The following CACNA1H variants were observed in gnomAD, a reference collection of about 807,000 sequenced individuals.
CACNA1H encodes the protein calcium voltage-gated channel subunit alpha1 H, also known as voltage-dependent T-type calcium channel subunit alpha-1H.
A neutral mutation model predicts 192.5 loss-of-function variants in CACNA1H; 149 were observed. That is an observed-to-expected ratio of 0.77 (90% confidence interval 0.68 to 0.89). The LOEUF is 0.89. Among genes scored for constraint, CACNA1H ranks in the 40% least tolerant of loss-of-function variants. CACNA1H has a pLI of 0.00. For missense variants in CACNA1H, 4,257 were observed against 3,423.5 expected (o/e 1.24, Z -6.08); for synonymous variants, 2,202 against 1,475.2 (o/e 1.49, Z -11.29).
At chr16:1,181,055 G>A (rs927864882) in intron 2 of CACNA1H, among the ~76,000 whole-genome samples, 4 of 152,244 alleles carry the variant, frequency 2.6e-5, no homozygotes, top group Admixed American at 6.5e-5. Context: ...GGCCACGGCA[G>A]CTGTGCAGTG....
At chr16:1,203,439 C>T (rs1401226669) in intron 9 of CACNA1H, among the ~76,000 whole-genome samples, 1 of 152,206 alleles carries the variant, frequency 6.6e-6, no homozygotes, top group Non-Finnish European at 1.5e-5. Flanking sequence ...AACGTCTCTG[C>T]ACCTAAGTGT....
chr16:1,163,969 C>T (rs1052214453), intron 2 of CACNA1H, among the ~76,000 whole-genome samples: 3 of 152,182 alleles, frequency 2.0e-5, no homozygotes, highest in Non-Finnish European at 2.9e-5. Flanking sequence ...GGGGAGAGGC[C>T]GTGTCTGGCT....
At chr16:1,210,522 C>T (rs780153215) in intron 19 of CACNA1H, 29 bp downstream of exon 19, 55 of 1,610,848 alleles carry the variant, frequency 3.4e-5, no homozygotes, top group Non-Finnish European at 4.2e-5. Flanking sequence ...TCGTCCCGGG[C>T]CACCACGACC....
intron 2 of CACNA1H, among the ~76,000 whole-genome samples, chr16:1,173,460 C>T (rs917808438): frequency 2.0e-5 from 3 of 152,256 alleles, no homozygotes; most frequent in East Asian, 1.9e-4. Context: ...TGGGTTCTCT[C>T]TCTCGCTATT....
intron 17 of CACNA1H, 79 bp from the exon 18 acceptor site, chr16:1,209,956 C>G: frequency 1.9e-6 from 2 of 1,076,210 alleles, no homozygotes; most frequent in South Asian, 1.4e-5. Flanking sequence ...GAGGGGTGGC[C>G]GAGCTGAGCA....
rs576098937 is a variant in CACNA1H, at chr16:1,211,805, G to C, written c.4566G>C (p.Gln1522His). 1 of 1,612,502 alleles carries C rather than the reference G, an allele frequency of 6.2e-7. No homozygotes were observed. Among genetic ancestry groups the C allele is most frequent in the Non-Finnish European group, 8.5e-7 (1 of 1,179,660 alleles). Reference sequence around the variant, plus strand: ...TGGATGCCGTGGGTGTCGACCAGCAGGTGCGCACAGGCGGGTCGAGCTGGG... The same window carrying C: ...TGGATGCCGTGGGTGTCGACCAGCACGTGCGCACAGGCGGGTCGAGCTGGG... ...DGLDAVGVDQ[Q>H]PVQNHNPWML... Residue 1522 changes from glutamine (Q) to histidine (H), a missense_variant and splice_region_variant, in exon 24 of 35, where the codon CAG becomes CAC. By Grantham distance (24) the Gln-to-His change is conservative. Transcript: ENST00000348261.
chr16:1,210,868 G>T lies in CACNA1H; in HGVS notation c.4120G>T (p.Val1374Leu). 1.2e-6 allele frequency: 2 copies of T among 1,605,596 alleles called. No homozygotes were observed. The highest frequency in any genetic ancestry group is 2.2e-5 in the South Asian group (2 of 91,068). Residue 1374 changes from valine to leucine, a missense_variant, in exon 21 of 35, where the codon GTG becomes TTG. Val to Leu is a conservative substitution (Grantham distance 32, BLOSUM62 1). Transcript: ENST00000348261. ...WNLLDGLLVL[V>L]SLVDIVVAMA... Reference sequence around the variant, plus strand: ...CCTGCTGGATGGGCTGCTGGTGCTGGTGTCCCTGGTGGACATTGTCGTGGC... The same window carrying T: ...CCTGCTGGATGGGCTGCTGGTGCTGTTGTCCCTGGTGGACATTGTCGTGGC...
At chr16:1,210,189 C>G (rs1023940397) in intron 18 of CACNA1H, 54 bp downstream of exon 18, 35 of 1,431,968 alleles carry the variant, frequency 2.4e-5, no homozygotes, top group Non-Finnish European at 2.8e-5. Context: ...ACGGGACCCC[C>G]GCCCCCAGGT....
At position 1,201,687 on chromosome 16, in the gene CACNA1H, C is replaced by T. The variant is rs751828544; in HGVS notation, c.1237C>T (p.Leu413=). The stretch of plus-strand genomic sequence containing the variant: ...GGTGGGCTCCTTCTTCATGATCAAC[C>T]TGTGCCTGGTGGTGATTGCCACGCA... ...IIVGSFFMIN[L]CLVVIATQFS... Residue 413 remains leucine, a synonymous_variant, in exon 9 of 35, where the codon CTG becomes TTG. Coordinates refer to ENST00000348261, the MANE Select transcript of CACNA1H (RefSeq NM_021098.3). 16 of 1,605,148 alleles carry T rather than the reference C, an allele frequency of 1.0e-5. No individual in the cohort carries two copies. The highest frequency in any genetic ancestry group is 4.5e-5 in the East Asian group (2 of 44,678).
At chr16:1,169,723 C>T (rs116625512) in intron 2 of CACNA1H, among the ~76,000 whole-genome samples, 4 of 152,224 alleles carry the variant, frequency 2.6e-5, no homozygotes, top group Admixed American at 6.5e-5. Flanking sequence ...GCTGTGGGAG[C>T]TTCAGGCCAG....
intron 2 of CACNA1H, among the ~76,000 whole-genome samples, chr16:1,173,213 TG>T (rs954099644): frequency 6.6e-6 from 1 of 151,594 alleles, no homozygotes; most frequent in African/African-American, 2.4e-5. Context: ...GGGCAGTAGA[TG>T]GGGTGCTGGT....
chr16:1,200,285 A>G lies in CACNA1H; in HGVS notation c.833A>G (p.Tyr278Cys). Residue 278 changes from tyrosine to cysteine, a missense_variant, in exon 7 of 35, where the codon TAC becomes TGC. Tyr to Cys is a radical substitution (Grantham distance 194). Transcript: ENST00000348261. ...AACAACCTGACCTTCCTGCGGCCGTACTACCAGACGGAGGAGGGCGAGGAG... is the reference window on the plus strand; with the variant it reads ...AACAACCTGACCTTCCTGCGGCCGTGCTACCAGACGGAGGAGGGCGAGGAG... The part of the protein sequence containing the change: ...RNNNLTFLRP[Y>C]YQTEEGEENP... 6.2e-7 allele frequency: 1 copy of G among 1,603,754 alleles called. No individual in the cohort carries two copies. Among genetic ancestry groups the G allele is most frequent in the Middle Eastern group, 1.7e-4 (1 of 6,034 alleles).
At chr16:1,188,491 T>C (rs1247436877) in intron 2 of CACNA1H, among the ~76,000 whole-genome samples, 2 of 152,070 alleles carry the variant, frequency 1.3e-5, no homozygotes, top group Non-Finnish European at 2.9e-5. Flanking sequence ...GTCTCCAGCA[T>C]CTTCGGCGCA....
At chr16:1,170,056 C>T (rs1313589383) in intron 2 of CACNA1H, among the ~76,000 whole-genome samples, 1 of 152,218 alleles carries the variant, frequency 6.6e-6, no homozygotes, top group East Asian at 1.9e-4. Flanking sequence ...GCTGAGCCCC[C>T]CTCCCCCGCT....
intron 30 of CACNA1H, 72 bp downstream of exon 30, chr16:1,215,665 C>G (rs912429861): frequency 3.4e-6 from 4 of 1,191,270 alleles, no homozygotes; most frequent in Middle Eastern, 1.9e-4. Flanking sequence ...CTCGCCGTCC[C>G]CCTCTCCCCC....
At chr16:1,158,047 AG>A (rs1962664420) in intron 2 of CACNA1H, 1 of 152,284 alleles carries the variant, frequency 6.6e-6, no homozygotes. Flanking sequence ...GGAGAGTTGC[AG>A]GGATGGATCC....
Position 1,211,474 on chromosome 16 carries a change from C to G in CACNA1H, c.4351-7C>G, listed in dbSNP as rs757005584. 1.2e-6 allele frequency: 2 copies of G among 1,612,406 alleles called. No homozygotes were observed. Among genetic ancestry groups the G allele is most frequent in the East Asian group, 4.5e-5 (2 of 44,854 alleles). On this transcript the variant is annotated splice_region_variant and splice_polypyrimidine_tract_variant and intron_variant, in intron 22 of 34. Coordinates refer to ENST00000348261, the MANE Select transcript of CACNA1H (RefSeq NM_021098.3). The stretch of plus-strand genomic sequence containing the variant: ...GGCCCTCCGCGGTGACCGTCGCACC[C>G]CGTCAGCTCTTCAAAGGGAAGTTCT...
At chr16:1,208,948 C>G in intron 16 of CACNA1H, 84 bp from the exon 17 acceptor site, 1 of 1,329,836 alleles carries the variant, frequency 7.5e-7, no homozygotes, top group Non-Finnish European at 9.7e-7. Flanking sequence ...CCACGTGTGG[C>G]TTGCACACAG....
chr16:1,201,375 A>T (rs761117526), intron 8 of CACNA1H, among the ~76,000 whole-genome samples: 1 of 152,144 alleles, frequency 6.6e-6, no homozygotes, highest in African/African-American at 2.4e-5. Flanking sequence ...TGAGAGGGTC[A>T]TCTCAAGGCC....
Sources: allele counts gnomAD v4.1 joint callset (sites outside exome capture counted in the v4.1 genomes callset), GRCh38; gene constraint gnomAD v4.1.1; transcripts MANE v1.5; gene names NCBI Gene and HGNC (gene_info 2026-07-23, HGNC 2026-07-21).